BCKDHB: variants seen among roughly 807,000 people sequenced by gnomAD.
BCKDHB encodes branched chain keto acid dehydrogenase E1 subunit beta.
Under a neutral mutation model 48.5 loss-of-function variants are expected in BCKDHB, and 41 were observed. That is an observed-to-expected ratio of 0.85 (90% CI 0.66 to 1.10). BCKDHB has a LOEUF of 1.10. BCKDHB is among the 50% of genes least tolerant of loss of function. BCKDHB has a pLI of 0.00. For missense variants in BCKDHB, 496 were observed against 494.2 expected (o/e 1.00, Z -0.03); for synonymous variants, 201 against 174.8 (o/e 1.15, Z -1.18).
At chr6:80,207,270 G>A (rs192108244) in intron 8 of BCKDHB, among the ~76,000 whole-genome samples, 95 of 151,972 alleles carry the variant, frequency 6.3e-4, no homozygotes, top group African/African-American at 2.3e-3. Context: ...ACAAAAGCTA[G>A]GGGGTCTTAC....
the BCKDHB span, among the ~76,000 whole-genome samples, chr6:80,385,444 A>C: frequency 6.6e-6 from 1 of 152,184 alleles, no homozygotes; most frequent in Non-Finnish European, 1.5e-5. Flanking sequence ...ACCCTGTTGA[A>C]GCTGGGGACA....
At chr6:80,428,829 C>G in the BCKDHB span, among the ~76,000 whole-genome samples, 6 of 152,144 alleles carry the variant, frequency 3.9e-5, no homozygotes, top group Non-Finnish European at 8.8e-5. Flanking sequence ...GTTGCCTGTT[C>G]ACTCTGATGA....
chr6:80,281,818 T>G (rs753997190), intron 9 of BCKDHB, among the ~76,000 whole-genome samples: 2 of 151,832 alleles, frequency 1.3e-5, no homozygotes, highest in Non-Finnish European at 1.5e-5. Flanking sequence ...CTATCAAACC[T>G]GACCTCTTTT....
At chr6:80,144,502 C>T (rs1016024816) in intron 3 of BCKDHB, among the ~76,000 whole-genome samples, 1 of 152,116 alleles carries the variant, frequency 6.6e-6, no homozygotes, top group African/African-American at 2.4e-5. Flanking sequence ...TGACTGAATT[C>T]ATCCTGCAGT....
chr6:80,123,257 T>G (rs1293478298), intron 1 of BCKDHB, among the ~76,000 whole-genome samples: 1 of 152,184 alleles, frequency 6.6e-6, no homozygotes, highest in Non-Finnish European at 1.5e-5. Context: ...GTTAACACAA[T>G]TATCACAGTG....
In BCKDHB at chr6:80,269,784, A is replaced by T. The variant is rs184791839; in HGVS notation, c.952-3351A>T. 1.2e-4 allele frequency among the ~76,000 whole-genome samples: 19 copies of T among 152,268 alleles called. No homozygotes were observed. In the South Asian group the frequency reaches 2.5e-3, roughly 20 times the overall value. On this transcript the variant is annotated intron_variant, in intron 8 of 9. Transcript: ENST00000320393. The stretch of plus-strand genomic sequence containing the variant: ...TTTGGAAGAAAATATTTTTTAAATG[A>T]TTATTAGCATTGTATCTACAATTAT...
At chr6:80,119,799 C>T (rs114453387) in intron 1 of BCKDHB, among the ~76,000 whole-genome samples, 1,907 of 151,986 alleles carry the variant, frequency 0.013, 35 homozygotes, top group African/African-American at 0.044. Flanking sequence ...AGAAATTATT[C>T]CTTGATCTGT....
intron 2 of BCKDHB, 130 bp downstream of exon 2, chr6:80,127,754 G>A (rs1770422248): frequency 1.1e-6 from 1 of 888,990 alleles, no homozygotes; most frequent in Admixed American, 1.7e-5. Flanking sequence ...TATGATTGGG[G>A]CTAAATAATC....
At chr6:80,246,243 G>A (rs1167998691) in intron 8 of BCKDHB, among the ~76,000 whole-genome samples, 1 of 152,194 alleles carries the variant, frequency 6.6e-6, no homozygotes, top group Non-Finnish European at 1.5e-5. Flanking sequence ...ATGCAGAAAT[G>A]TGAGTTTCTC....
At chr6:80,380,119 A>T in the BCKDHB span, among the ~76,000 whole-genome samples, 1 of 152,060 alleles carries the variant, frequency 6.6e-6, no homozygotes, top group Non-Finnish European at 1.5e-5. Context: ...CAAAAAGCCC[A>T]AATAGCCAAA....
the BCKDHB span, chr6:80,462,922 G>A: frequency 6.6e-6 from 1 of 152,208 alleles, no homozygotes; most frequent in African/African-American, 2.4e-5. Context: ...AAGCCACCAT[G>A]AACATATCCT....
chr6:80,372,223 G>C, the BCKDHB span, among the ~76,000 whole-genome samples: 1 of 151,216 alleles, frequency 6.6e-6, no homozygotes, highest in Non-Finnish European at 1.5e-5. Context: ...GTATTTTTTA[G>C]CTATTGTAAA....
At chr6:80,338,405 A>G (rs1272242538) in intron 9 of BCKDHB, among the ~76,000 whole-genome samples, 1 of 152,146 alleles carries the variant, frequency 6.6e-6, no homozygotes, top group African/African-American at 2.4e-5. Context: ...CCCCGGAACC[A>G]GCAATTAGCG....
the BCKDHB span, among the ~76,000 whole-genome samples, chr6:80,400,411 G>T: frequency 6.6e-6 from 1 of 151,980 alleles, no homozygotes; most frequent in Non-Finnish European, 1.5e-5. Flanking sequence ...GTGGGCAACA[G>T]ATATGAACAG....
At chr6:80,376,046 G>A in the BCKDHB span, among the ~76,000 whole-genome samples, 8 of 152,140 alleles carry the variant, frequency 5.3e-5, no homozygotes, top group Non-Finnish European at 8.8e-5. Flanking sequence ...GATTTCTCAG[G>A]TGGTAGGCAG....
At chr6:80,410,990 G>A in the BCKDHB span, among the ~76,000 whole-genome samples, 1 of 152,160 alleles carries the variant, frequency 6.6e-6, no homozygotes, top group Non-Finnish European at 1.5e-5. Context: ...TTCCATTGCT[G>A]GTGAGGAGTT....
chr6:80,207,715 A>T (rs1043179603), intron 8 of BCKDHB, among the ~76,000 whole-genome samples: 4 of 151,568 alleles, frequency 2.6e-5, no homozygotes, highest in Admixed American at 6.6e-5. Flanking sequence ...CACTAATTTC[A>T]AATAAAGCAT....
At chr6:80,291,225 C>G (rs1177401992) in intron 9 of BCKDHB, among the ~76,000 whole-genome samples, 1 of 152,092 alleles carries the variant, frequency 6.6e-6, no homozygotes, top group African/African-American at 2.4e-5. Flanking sequence ...AACCCTTAAT[C>G]TTAAGGGTTA....
rs772951591 is a variant in BCKDHB, at chr6:80,273,179, C to T, written c.996C>T (p.Pro332=). 1 of 1,613,594 alleles carries T rather than the reference C, an allele frequency of 6.2e-7. No individual in the cohort carries two copies. Among genetic ancestry groups the T allele is most frequent in the South Asian group, 1.1e-5 (1 of 91,068 alleles). Residue 332 remains proline (P), a synonymous_variant, in exon 9 of 10, where the codon CCC becomes CCT. Coordinates refer to ENST00000320393, the MANE Select transcript of BCKDHB (RefSeq NM_183050.4). The part of the protein sequence containing the change: ...TGRLLISHEA[P]LTGGFASEIS... ...GACTGCTAATCAGTCACGAGGCTCC[C>T]TTGACAGGCGGCTTTGCATCGGAAA...
Sources: gnomAD v4.1 joint callset for allele counts (sites outside exome capture counted in the v4.1 genomes callset) on GRCh38, gnomAD v4.1.1 for gene constraint, MANE v1.5 for transcripts, NCBI Gene and HGNC (gene_info 2026-07-23, HGNC 2026-07-21) for gene names.